MGAT5B: variants seen among roughly 807,000 people sequenced by gnomAD.
The protein encoded by MGAT5B is N-acetylglucosaminyl-transferase Vb.
MGAT5B carries 54 observed loss-of-function variants against 95.1 expected under a neutral mutation model. The observed-to-expected ratio is 0.57, with a 90% confidence interval of 0.46 to 0.71. The LOEUF (loss-of-function observed/expected upper bound fraction) is 0.71. Among genes scored for constraint, MGAT5B ranks in the 30% least tolerant of loss-of-function variants. The pLI is 0.00. For missense variants in MGAT5B, 935 were observed against 1,088.6 expected, an observed-to-expected ratio of 0.86 and a Z score of 1.99; for synonymous variants, 464 against 451.0, an observed-to-expected ratio of 1.03 and a Z score of -0.36.
intron 3 of MGAT5B, among the ~76,000 whole-genome samples, chr17:76,896,017 C>A (rs556830144): frequency 2.0e-5 from 3 of 152,172 alleles, no homozygotes; most frequent in East Asian, 3.9e-4. Context: ...GCCTACCCCA[C>A]GGTGACAACA....
chr17:76,892,108 T>TC (rs1466553827), intron 3 of MGAT5B, among the ~76,000 whole-genome samples: 1 of 152,150 alleles, frequency 6.6e-6, no homozygotes, highest in Non-Finnish European at 1.5e-5. Context: ...GTGCAGTGGC[T>TC]CGATCACGGC....
In MGAT5B at chr17:76,873,559, C is replaced by G. The variant is rs531594027; in HGVS notation, c.181+596C>G. Reference sequence around the variant, plus strand: ...CACCTGGCTTCCCTACAGAGAAGGACAGCAGTGACCTTCTGCAGAGGTTGG... The same window carrying G: ...CACCTGGCTTCCCTACAGAGAAGGAGAGCAGTGACCTTCTGCAGAGGTTGG... On this transcript the variant is annotated intron_variant, in intron 2 of 17. Coordinates refer to ENST00000569840, the MANE Select transcript of MGAT5B (RefSeq NM_001199172.2). Among the ~76,000 whole-genome samples the G allele has an allele frequency of 1.4e-4, 21 of 152,340 alleles. No homozygotes were observed. The South Asian group carries it at 2.1e-3, about 15-fold the overall frequency.
chr17:76,882,877 G>A (rs1309605566), intron 3 of MGAT5B, among the ~76,000 whole-genome samples: 2 of 150,278 alleles, frequency 1.3e-5, no homozygotes, highest in African/African-American at 4.9e-5. Flanking sequence ...ACCACACCTC[G>A]GTAATTTTTG....
chr17:76,907,789 T>G (rs1433684157), intron 8 of MGAT5B, among the ~76,000 whole-genome samples: 1 of 152,242 alleles, frequency 6.6e-6, no homozygotes, highest in East Asian at 1.9e-4. Flanking sequence ...CGAATTGTCT[T>G]CCAAAGTGAT....
At chr17:76,936,640 G>T (rs192184280) in intron 12 of MGAT5B, among the ~76,000 whole-genome samples, 2 of 152,154 alleles carry the variant, frequency 1.3e-5, no homozygotes, top group African/African-American at 4.8e-5. Flanking sequence ...TAAGTAAAAA[G>T]TTCTTTTACG....
chr17:76,904,268 G>A lies in MGAT5B; in HGVS notation c.536G>A (p.Trp179Ter). The A allele has an allele frequency of 6.2e-7, 1 of 1,609,686 alleles. No individual in the cohort carries two copies. Among genetic ancestry groups the A allele is most frequent in the Non-Finnish European group, 8.5e-7 (1 of 1,178,668 alleles). Residue 179 changes from tryptophan to a stop codon, truncating the protein, a stop_gained, in exon 6 of 18, where the codon TGG (tryptophan) becomes TAG (stop). Transcript: ENST00000569840. LOFTEE classifies it high-confidence loss of function. ...TCTCTGCAGTGGATGCGTGCCCGCT[G>A]GACCTCTGACCCCTGCTACGCCTTC... ...SGKVEWMRARWTSDPCYAFFG... is the reference protein window; with the variant it reads ...SGKVEWMRAR
At chr17:76,922,082 C>T (rs1598967869) in intron 8 of MGAT5B, among the ~76,000 whole-genome samples, 1 of 152,162 alleles carries the variant, frequency 6.6e-6, no homozygotes, top group East Asian at 1.9e-4. Context: ...TCTGTCCTCT[C>T]AGTGGCCCTG....
Position 76,940,777 on chromosome 17 carries a change from C to T in MGAT5B, c.1777C>T (p.His593Tyr), listed in dbSNP as rs757789220. ...CGCGGAGAACTTCATCGGCAAGCCC[C>T]ACGTGTGGACAGTCGACTACAACAA... ...PYAENFIGKP[H>Y]VWTVDYNNSE... is the part of the protein sequence containing the mutation. Residue 593 changes from histidine (H) to tyrosine (Y), a missense_variant, in exon 15 of 18, where the codon CAC becomes TAC. This residue lies in a region of MGAT5B where 440 missense variants were observed against 523.6 expected (regional missense o/e 0.84). Transcript: ENST00000569840. The surrounding 1 kb of genome is among the most constrained non-coding windows in gnomAD (Gnocchi z 4.3). 6.2e-7 allele frequency: 1 copy of T among 1,614,116 alleles called. No individual in the cohort carries two copies. The highest frequency in any genetic ancestry group is 1.7e-5 in the Admixed American group (1 of 60,024).
intron 3 of MGAT5B, among the ~76,000 whole-genome samples, chr17:76,897,376 AATTAGGGT>A (rs1175632717): frequency 6.6e-6 from 1 of 152,166 alleles, no homozygotes; most frequent in Non-Finnish European, 1.5e-5. Flanking sequence ...AGAAGTCTGA[AATTAGGGT>A]GTCAGCAGGG....
intron 2 of MGAT5B, among the ~76,000 whole-genome samples, chr17:76,875,169 T>C (rs1967140745): frequency 6.6e-6 from 1 of 152,208 alleles, no homozygotes; most frequent in African/African-American, 2.4e-5. Flanking sequence ...TTGGACTTTG[T>C]GAGCATGGAA....
At chr17:76,890,347 C>T (rs1336892660) in intron 3 of MGAT5B, among the ~76,000 whole-genome samples, 1 of 152,220 alleles carries the variant, frequency 6.6e-6, no homozygotes, top group African/African-American at 2.4e-5. Flanking sequence ...ACTGAATGTC[C>T]ATTACGAGTA....
rs1286760707 is a variant in MGAT5B, at chr17:76,948,999, G to A, written c.*161G>A. 17 of 822,156 alleles carry A rather than the reference G, an allele frequency of 2.1e-5. No individual in the cohort carries two copies. Among genetic ancestry groups the A allele is most frequent in the East Asian group, 5.4e-5 (2 of 37,208 alleles). The allele number at this position is 822,156 out of a possible 1,614,324, so 50.9% of individuals were successfully genotyped here. Reference sequence around the variant, plus strand: ...AAGCTGGCAGAGGAGAGCCGTGCCCGGGAATAGGAGGAGGCAGCATGCCGA... The same window carrying A: ...AAGCTGGCAGAGGAGAGCCGTGCCCAGGAATAGGAGGAGGCAGCATGCCGA... On this transcript the variant is annotated 3_prime_UTR_variant, in exon 18 of 18. Coordinates refer to ENST00000569840, the MANE Select transcript of MGAT5B (RefSeq NM_001199172.2).
At chr17:76,877,329 T>TAAA (rs34612127) in intron 2 of MGAT5B, among the ~76,000 whole-genome samples, 7 of 111,222 alleles carry the variant, frequency 6.3e-5, no homozygotes, top group African/African-American at 1.4e-4. Flanking sequence ...TGTCTCGGCT[T>TAAA]AAAAAAAAAA....
At chr17:76,891,909 A>G (rs1967883971) in intron 3 of MGAT5B, among the ~76,000 whole-genome samples, 2 of 151,884 alleles carry the variant, frequency 1.3e-5, no homozygotes, top group Admixed American at 1.3e-4. Context: ...CTTCGAACAC[A>G]GGGTTGTTCC....
chr17:76,872,530 G>T, intron 1 of MGAT5B: 1 of 772,862 alleles, frequency 1.3e-6, no homozygotes, highest in African/African-American at 1.8e-5. Context: ...CTCGTCTGGG[G>T]ACTGCACTTT....
chr17:76,893,317 G>A (rs928876391), intron 3 of MGAT5B, among the ~76,000 whole-genome samples: 2 of 152,100 alleles, frequency 1.3e-5, no homozygotes, highest in African/African-American at 2.4e-5. Flanking sequence ...TGGTAAATAC[G>A]TGTGTATGCA....
chr17:76,920,608 C>T (rs766349302), intron 8 of MGAT5B, among the ~76,000 whole-genome samples: 3 of 152,310 alleles, frequency 2.0e-5, no homozygotes, highest in South Asian at 2.1e-4. Flanking sequence ...CCTCCAGGGA[C>T]GTCCTGCCCT....
intron 8 of MGAT5B, among the ~76,000 whole-genome samples, chr17:76,910,789 T>A (rs1375427099): frequency 1.3e-5 from 2 of 152,214 alleles, no homozygotes; most frequent in Non-Finnish European, 2.9e-5. Flanking sequence ...GGCCCAGGGC[T>A]GTGCTCCGAT....
rs779590921 is a variant in MGAT5B, at chr17:76,926,699, C to A, written c.1260C>A (p.Asn420Lys). 6.2e-7 allele frequency: 1 copy of A among 1,612,772 alleles called. No homozygotes were observed. The highest frequency in any genetic ancestry group is 1.3e-5 in the African/African-American group (1 of 75,050). Reference sequence around the variant, plus strand: ...ACCGGACCAACTGGGGCTACTGGAACCTCAACCCCAAGCAGTTCATGACCA... The same window carrying A: ...ACCGGACCAACTGGGGCTACTGGAAACTCAACCCCAAGCAGTTCATGACCA... ...HGYRTNWGYW[N>K]LNPKQFMTMF... Residue 420 changes from asparagine (N) to lysine (K), a missense_variant, in exon 10 of 18, where the codon AAC becomes AAA. Coordinates refer to ENST00000569840, the MANE Select transcript of MGAT5B (RefSeq NM_001199172.2).
Sources: gnomAD v4.1 joint callset for allele counts (sites outside exome capture counted in the v4.1 genomes callset) on GRCh38, gnomAD v4.1.1 for gene constraint, gnomAD v4.1.1 regional missense constraint, Gnocchi (gnomAD v3.1) non-coding constraint, MANE v1.5 for transcripts, NCBI Gene and HGNC (gene_info 2026-07-23, HGNC 2026-07-21) for gene names.